The following SDC3 variants were observed in gnomAD, a reference collection of about 807,000 sequenced individuals.
SDC3 encodes the protein syndecan-3.
Under a neutral mutation model 24.4 loss-of-function variants are expected in SDC3, and 13 were observed. The ratio of observed to expected loss-of-function variants is 0.53; its 90% CI spans 0.35 to 0.85. The LOEUF is 0.85. SDC3 is among the 40% of genes least tolerant of loss of function. The pLI is 0.01. For synonymous variants in SDC3, 295 were observed against 260.9 expected, an observed-to-expected ratio of 1.13 and a Z score of -1.26; for missense variants, 571 against 584.5, an observed-to-expected ratio of 0.98 and a Z score of 0.24.
intron 1 of SDC3, among the ~76,000 whole-genome samples, chr1:30,882,104 G>A (rs187460823): frequency 4.6e-5 from 7 of 152,202 alleles, no homozygotes; most frequent in Admixed American, 1.3e-4. Flanking sequence ...GCCTCCACAT[G>A]TGCGCAGCCT....
rs533505160 is a variant in SDC3, at chr1:30,883,025, A to T, written c.139-4285T>A. 6.6e-5 allele frequency among the ~76,000 whole-genome samples: 10 copies of T among 152,308 alleles called. No individual in the cohort carries two copies. The South Asian group carries it at 1.9e-3, about 28-fold the overall frequency. On this transcript the variant is annotated intron_variant, in intron 1 of 4. Transcript: ENST00000339394. ...ACGATTGCTGTTAGTTTATGTTAAA[A>T]TTTCTATTATTATTTCGAAGCCTTT...
At chr1:30,878,514 T>C in intron 2 of SDC3, 109 bp downstream of exon 2, 1 of 813,858 alleles carries the variant, frequency 1.2e-6, no homozygotes, top group Non-Finnish European at 2.1e-6. Context: ...ACCCAGGCAG[T>C]GAATGCCCCC....
intron 3 of SDC3, 74 bp from the exon 4 acceptor site, chr1:30,874,662 TG>T (rs1028352183): frequency 1.4e-6 from 2 of 1,435,412 alleles, no homozygotes; most frequent in South Asian, 2.5e-5. Context: ...CCTACTGCCC[TG>T]GGGGGCTAAC....
intron 1 of SDC3, among the ~76,000 whole-genome samples, chr1:30,880,298 A>AG (rs1639723552): frequency 7.6e-6 from 1 of 131,980 alleles, no homozygotes; most frequent in African/African-American, 2.8e-5. Flanking sequence ...ATGACAGGGA[A>AG]GGGGGAGGCA....
In SDC3 at chr1:30,874,301, G is replaced by A. The variant is rs147830485; in HGVS notation, c.1158C>T (p.Leu386=). 723 of 1,605,240 alleles carry A rather than the reference G, an allele frequency of 4.5e-4. 5 individuals carry two copies. In the African/African-American group the frequency reaches 7.7e-3, roughly 17 times the overall value. ...GGCCCAGACCCCAAGCCTCACCTAC[G>A]AGCACCTCCTTCCGCTCCAGGATAC... ...QKSILERKEV[L]VAVIVGGVVG... Residue 386 remains leucine, a synonymous_variant, in exon 4 of 5, where the codon CTC becomes CTT. Coordinates refer to ENST00000339394, the MANE Select transcript of SDC3 (RefSeq NM_014654.4).
intron 1 of SDC3, among the ~76,000 whole-genome samples, chr1:30,884,191 C>T (rs1300371824): frequency 6.6e-6 from 1 of 152,214 alleles, no homozygotes; most frequent in East Asian, 1.9e-4. Flanking sequence ...GGGGAAGGGG[C>T]TATGGAGCCC....
At chr1:30,876,458 C>A in intron 3 of SDC3, 94 bp downstream of exon 3, 1 of 1,123,696 alleles carries the variant, frequency 8.9e-7, no homozygotes, top group East Asian at 2.6e-5. Context: ...TCTATAGCCT[C>A]CTGGTCCTCA....
chr1:30,878,621 A>G lies in SDC3; in HGVS notation c.256+2T>C. The G allele has an allele frequency of 6.2e-7, 1 of 1,612,586 alleles. No homozygotes were observed. The highest frequency in any genetic ancestry group is 8.5e-7 in the Non-Finnish European group (1 of 1,178,550). ...GGCAGAGGTAGGGAGGGGGGTACTT[A>G]CAGCCCGAGCCCGACCCCGAGTAGA... On this transcript the variant is annotated splice_donor_variant, in intron 2 of 4. Coordinates refer to ENST00000339394, the MANE Select transcript of SDC3 (RefSeq NM_014654.4). LOFTEE classifies it high-confidence loss of function.
At chr1:30,880,512 G>A (rs1034584600) in intron 1 of SDC3, 1 of 152,276 alleles carries the variant, frequency 6.6e-6, no homozygotes, top group African/African-American at 2.4e-5. Flanking sequence ...TTCCAAACCT[G>A]CTTCCAAGAG....
chr1:30,873,984 G>C (rs892293396), intron 4 of SDC3, among the ~76,000 whole-genome samples: 2 of 152,012 alleles, frequency 1.3e-5, no homozygotes, highest in African/African-American at 4.8e-5. Flanking sequence ...AGGAAGTAAG[G>C]TCCCAGGGGG....
At chr1:30,873,864 T>C (rs1482046118) in intron 4 of SDC3, among the ~76,000 whole-genome samples, 1 of 151,988 alleles carries the variant, frequency 6.6e-6, no homozygotes, top group Admixed American at 6.6e-5. Context: ...AAGCCAGGAT[T>C]TGAACCAGGA....
In SDC3 at chr1:30,908,602, G is replaced by T; in HGVS notation, c.-16C>A. The T allele has an allele frequency of 1.1e-6, 1 of 905,602 alleles. No individual in the cohort carries two copies. The highest frequency in any genetic ancestry group is 1.3e-6 in the Non-Finnish European group (1 of 768,578). The allele number at this position is 905,602 out of a possible 1,614,324, so 56.1% of individuals were successfully genotyped here. Reference sequence around the variant, plus strand: ...CCGGCTTCATGGCGGCGGCGCGGGCGCGGGCGGCGGGCGGCGGGCGGGCGC... The same window carrying T: ...CCGGCTTCATGGCGGCGGCGCGGGCTCGGGCGGCGGGCGGCGGGCGGGCGC... On this transcript the variant is annotated 5_prime_UTR_variant, in exon 1 of 5. Transcript: ENST00000339394.
In SDC3 at chr1:30,871,401, T is replaced by A. The variant is rs564054148; in HGVS notation, c.*1810A>T. The A allele has an allele frequency of 2.0e-5, 3 of 152,262 alleles. No homozygotes were observed. The highest frequency in any genetic ancestry group is 4.4e-5 in the Non-Finnish European group (3 of 68,070). The allele number at this position is 152,262 out of a possible 1,614,324, so 9.4% of individuals were successfully genotyped here. On this transcript the variant is annotated 3_prime_UTR_variant, in exon 5 of 5. Coordinates refer to ENST00000339394, the MANE Select transcript of SDC3 (RefSeq NM_014654.4). ...AAGCACACCCTCCCCAAAAGATCTG[T>A]GACCCCACATTTAAAATACCGATGG...
At chr1:30,886,375 G>A (rs896792643) in intron 1 of SDC3, among the ~76,000 whole-genome samples, 1 of 151,842 alleles carries the variant, frequency 6.6e-6, no homozygotes, top group Non-Finnish European at 1.5e-5. Flanking sequence ...TGTCACATAC[G>A]CACGCCAACC....
At chr1:30,892,611 C>G (rs1176946169) in intron 1 of SDC3, among the ~76,000 whole-genome samples, 1 of 152,182 alleles carries the variant, frequency 6.6e-6, no homozygotes, top group Non-Finnish European at 1.5e-5. Flanking sequence ...TCCCCAAACC[C>G]AGGACGAGGA....
chr1:30,874,366 T>C lies in SDC3; in HGVS notation c.1093A>G (p.Ile365Val). 6.2e-7 allele frequency: 1 copy of C among 1,613,902 alleles called. No homozygotes were observed. ...RPGPGLLDNA[I>V]DSGSSAAQLP... ...TGAGCAGCTGAGCTGCCCGAGTCGA[T>C]GGCATTGTCCAGGAGGCCAGGGCCC... Residue 365 changes from isoleucine (I) to valine (V), a missense_variant, in exon 4 of 5, where the codon ATC becomes GTC. Around this residue, in one of 2 missense-constraint regions of SDC3, gnomAD observed 74 missense variants for 112.9 expected, o/e 0.66. Coordinates refer to ENST00000339394, the MANE Select transcript of SDC3 (RefSeq NM_014654.4).
At position 30,874,227 on chromosome 1, in the gene SDC3, C is replaced by T. The variant is rs72880044; in HGVS notation, c.1162+70G>A. 6,653 of 1,349,418 alleles carry T rather than the reference C, an allele frequency of 4.9e-3. 276 individuals carry two copies. The African/African-American group carries it at 0.087, about 18-fold the overall frequency. 83.6% of individuals were successfully genotyped at this position (1,349,418 alleles called of 1,614,324 possible). A position where few individuals can be genotyped will look rare whatever the true frequency, so the allele number is the denominator to read the frequency against. On this transcript the variant is annotated intron_variant, in intron 4 of 4. Transcript: ENST00000339394. ...TCCTTTCTGGGTTCCTAGAGGCAAA[C>T]TGAGGCCCAGCCAGCTGTCTCACTC...
rs61778221 is a variant in SDC3 at position 30,878,500 on chromosome 1, C to G, written c.256+123G>C. ...GGGGATCCAGAGCAAGAAGAACTTG[C>G]CTGACCCAGGCAGTGAATGCCCCCT... On this transcript the variant is annotated intron_variant, in intron 2 of 4. Coordinates refer to ENST00000339394, the MANE Select transcript of SDC3 (RefSeq NM_014654.4). 1.5e-5 allele frequency: 11 copies of G among 728,764 alleles called. No individual in the cohort carries two copies. The East Asian group carries it at 2.3e-4, about 15-fold the overall frequency. The allele number at this position is 728,764 out of a possible 1,614,324, so 45.1% of individuals were successfully genotyped here. A position where few individuals can be genotyped will look rare whatever the true frequency, so the allele number is the denominator to read the frequency against.
At position 30,877,105 on chromosome 1, in the gene SDC3, G is replaced by T. The variant is rs556133593; in HGVS notation, c.317C>A (p.Ala106Glu). 2.4e-4 allele frequency: 380 copies of T among 1,613,918 alleles called. 19 individuals carry two copies. The South Asian group carries it at 4.1e-3, about 17-fold the overall frequency. Reference sequence around the variant, plus strand: ...CAGCACCGCAGGTGTGGTGGACACCGCCAGGGCTACATCTGGGCTGAAGCG... The same window carrying T: ...CAGCACCGCAGGTGTGGTGGACACCTCCAGGGCTACATCTGGGCTGAAGCG... ...AMRFSPDVAL[A>E]VSTTPAVLPT... Residue 106 changes from alanine (A) to glutamate (E), a missense_variant, in exon 3 of 5, where the codon GCG becomes GAG. Coordinates refer to ENST00000339394, the MANE Select transcript of SDC3 (RefSeq NM_014654.4).
Sources: allele counts gnomAD v4.1 joint callset (sites outside exome capture counted in the v4.1 genomes callset), GRCh38; gene constraint gnomAD v4.1.1; regional missense constraint gnomAD v4.1.1; transcripts MANE v1.5; gene names NCBI Gene and HGNC (gene_info 2026-07-23, HGNC 2026-07-21).